Variants in RBL2 observed in about 807,000 individuals in gnomAD.
The protein encoded by RBL2 is RB transcriptional corepressor like 2.
Under a neutral mutation model 126.0 loss-of-function variants are expected in RBL2, and 56 were observed. That is an observed-to-expected ratio of 0.44 (90% CI 0.36 to 0.56). RBL2 has a LOEUF of 0.56. Among genes scored for constraint, RBL2 ranks in the 20% least tolerant of loss-of-function variants. The pLI is 0.00. For synonymous variants in RBL2, 454 were observed against 478.5 expected (o/e 0.95, Z 0.67); for missense variants, 1,229 against 1,398.2 (o/e 0.88, Z 1.93).
intron 5 of RBL2, among the ~76,000 whole-genome samples, chr16:53,453,117 G>T (rs1319964846): frequency 6.6e-6 from 1 of 151,806 alleles, no homozygotes; most frequent in Non-Finnish European, 1.5e-5. Flanking sequence ...GGTGTTTTTT[G>T]TTTAAAAGTA....
At chr16:53,452,647 CT>C (rs1567731131) in intron 5 of RBL2, among the ~76,000 whole-genome samples, 1 of 151,578 alleles carries the variant, frequency 6.6e-6, no homozygotes, top group African/African-American at 2.4e-5. Flanking sequence ...TCACTTTTAT[CT>C]TTTTTTTGTT....
At chr16:53,460,664 G>A (rs1175098639) in intron 9 of RBL2, among the ~76,000 whole-genome samples, 1 of 152,114 alleles carries the variant, frequency 6.6e-6, no homozygotes, top group African/African-American at 2.4e-5. Context: ...GTAAATACTA[G>A]GTAAAATAAA....
intron 10 of RBL2, among the ~76,000 whole-genome samples, 168 bp from the exon 11 acceptor site, chr16:53,462,384 A>G (rs1327262690): frequency 3.3e-5 from 5 of 152,212 alleles, no homozygotes; most frequent in African/African-American, 1.2e-4. Flanking sequence ...TACCATGAAG[A>G]AAATTAAGGT....
rs2058279361 is a variant in RBL2, at chr16:53,467,083, G to C, written c.1889G>C (p.Arg630Thr). 3 of 1,613,988 alleles carry C rather than the reference G, an allele frequency of 1.9e-6. No individual in the cohort carries two copies. In the East Asian group the frequency reaches 6.7e-5, roughly 36 times the overall value. The change falls in exon 14 of 22, where the codon AGG becomes ACG. Residue 630 changes from arginine (R) to threonine (T), a missense_variant. Coordinates refer to ENST00000262133, the MANE Select transcript of RBL2 (RefSeq NM_005611.4). Reference protein sequence around the residue: ...EEVMPPQNLERADEICIAGSP... With the variant: ...EEVMPPQNLETADEICIAGSP... ...GTCATGCCACCTCAGAACCTGGAAAGGGCAGATGAAATTTGCATTGCTGGC... is the reference window on the plus strand; with the variant it reads ...GTCATGCCACCTCAGAACCTGGAAACGGCAGATGAAATTTGCATTGCTGGC...
Position 53,434,881 on chromosome 16 carries a change from C to T in RBL2, c.240+85C>T, listed in dbSNP as rs1359200117. 7.9e-6 allele frequency: 11 copies of T among 1,393,738 alleles called. No homozygotes were observed. The East Asian group carries it at 1.7e-4, about 22-fold the overall frequency. 86.3% of individuals were successfully genotyped at this position (1,393,738 alleles called of 1,614,324 possible). On this transcript the variant is annotated intron_variant, in intron 1 of 21. Coordinates refer to ENST00000262133, the MANE Select transcript of RBL2 (RefSeq NM_005611.4). The stretch of plus-strand genomic sequence containing the variant: ...GCCGCGTCGCGCGCCTCGAGAGACT[C>T]TCGGGCGGGTTGCGGGCTCCCAGCC...
At chr16:53,436,436 GTTTA>G (rs1248765393) in intron 1 of RBL2, among the ~76,000 whole-genome samples, 1 of 152,076 alleles carries the variant, frequency 6.6e-6, no homozygotes, top group East Asian at 1.9e-4. Context: ...TCTTAGCCCA[GTTTA>G]TTCAGTAAAT....
rs2058279387 is a variant in RBL2 at position 53,467,085 on chromosome 16, G to A, written c.1891G>A (p.Ala631Thr). 6.2e-7 allele frequency: 1 copy of A among 1,613,976 alleles called. No homozygotes were observed. Among genetic ancestry groups the A allele is most frequent in the Non-Finnish European group, 8.5e-7 (1 of 1,179,950 alleles). ...CATGCCACCTCAGAACCTGGAAAGGGCAGATGAAATTTGCATTGCTGGCTC... is the reference window on the plus strand; with the variant it reads ...CATGCCACCTCAGAACCTGGAAAGGACAGATGAAATTTGCATTGCTGGCTC... ...EVMPPQNLER[A>T]DEICIAGSPL... The change falls in exon 14 of 22, where the codon GCA becomes ACA. Residue 631 changes from alanine (A) to threonine (T), a missense_variant. Physicochemically the swap from Ala to Thr is moderately conservative, Grantham distance 58. This residue lies in a region of RBL2 where 1,070 missense variants were observed against 1,274.3 expected (regional missense o/e 0.84). Transcript: ENST00000262133.
chr16:53,454,183 A>G (rs2058143371), intron 7 of RBL2: 1 of 447,330 alleles, frequency 2.2e-6, no homozygotes, highest in Non-Finnish European at 4.4e-6. Flanking sequence ...TAGCAGGATT[A>G]CATGTGATAC....
intron 17 of RBL2, among the ~76,000 whole-genome samples, chr16:53,474,690 A>G (rs980191352): frequency 1.3e-5 from 2 of 152,178 alleles, no homozygotes; most frequent in Non-Finnish European, 2.9e-5. Flanking sequence ...GTTAAAAAAA[A>G]TATTTATTTT....
intron 17 of RBL2, among the ~76,000 whole-genome samples, chr16:53,471,505 T>C (rs1199706820): frequency 6.6e-6 from 1 of 152,192 alleles, no homozygotes; most frequent in African/African-American, 2.4e-5. Context: ...GTTTCATTCT[T>C]GTCACCCAGG....
chr16:53,444,024 G>T (rs944400562), intron 3 of RBL2, among the ~76,000 whole-genome samples: 2 of 152,148 alleles, frequency 1.3e-5, no homozygotes, highest in African/African-American at 4.8e-5. Context: ...TGAGGCAGGC[G>T]AATCACCTGA....
chr16:53,480,642 C>T lies in RBL2; in HGVS notation c.2957C>T (p.Thr986Ile). 1.2e-6 allele frequency: 2 copies of T among 1,614,030 alleles called. No homozygotes were observed. The highest frequency in any genetic ancestry group is 8.5e-7 in the Non-Finnish European group (1 of 1,180,002). ...PVPQPSSAPP[T>I]PTRLTGANSD... The stretch of plus-strand genomic sequence containing the variant: ...CCACAGCCCAGCAGTGCTCCTCCCA[C>T]ACCTACTCGCCTCACAGGTGCCAAC... The change falls in exon 20 of 22, where the codon ACA becomes ATA. Residue 986 changes from threonine (T) to isoleucine (I), a missense_variant. Around this residue, in one of 2 missense-constraint regions of RBL2, gnomAD observed 1,070 missense variants for 1,274.3 expected, o/e 0.84. Transcript: ENST00000262133.
chr16:53,482,603 A>T (rs1281423427), intron 21 of RBL2, among the ~76,000 whole-genome samples: 2 of 152,188 alleles, frequency 1.3e-5, no homozygotes, highest in African/African-American at 4.8e-5. Flanking sequence ...TGAGGTCAGG[A>T]GTTCAAGACC....
intron 5 of RBL2, 62 bp from the exon 6 acceptor site, chr16:53,453,384 ATTTTAG>A (rs1297401362): frequency 1.3e-5 from 19 of 1,410,606 alleles, no homozygotes; most frequent in Admixed American, 1.8e-5. Context: ...TATGTTTTAC[ATTTTAG>A]TTTATTACAA....
chr16:53,467,982 A>G (rs114529727), intron 14 of RBL2, among the ~76,000 whole-genome samples: 1,925 of 152,338 alleles, frequency 0.013, 18 homozygotes, highest in African/African-American at 0.022. Context: ...ATGTGACATT[A>G]GTGCTGGCCC....
At position 53,467,169 on chromosome 16, in the gene RBL2, A is replaced by T. The variant is rs1447671984; in HGVS notation, c.1975A>T (p.Ser659Cys). ...VRADTGGLGRSITSPTTLYDR... is the reference protein window; with the variant it reads ...VRADTGGLGRCITSPTTLYDR... ...TGCTGATACTGGAGGACTTGGAAGG[A>T]GTAAGTTTAAAATACTAGGAGAATA... is the stretch of plus-strand genomic sequence containing the variant. Residue 659 changes from serine to cysteine, a missense_variant and splice_region_variant, in exon 14 of 22, where the codon AGC becomes TGC. Ser to Cys is a moderately radical substitution (Grantham distance 112). Coordinates refer to ENST00000262133, the MANE Select transcript of RBL2 (RefSeq NM_005611.4). 1 of 1,604,350 alleles carries T rather than the reference A, an allele frequency of 6.2e-7. No individual in the cohort carries two copies. Among genetic ancestry groups the T allele is most frequent in the Admixed American group, 1.7e-5 (1 of 59,684 alleles).
chr16:53,454,100 G>A (rs907838617), intron 7 of RBL2: 16 of 404,510 alleles, frequency 4.0e-5, no homozygotes, highest in South Asian at 1.6e-4. Flanking sequence ...GCTTCTCACC[G>A]GAAGTTGCAC....
In RBL2 at chr16:53,465,530, G is replaced by A; in HGVS notation, c.1791G>A (p.Leu597=). 6.2e-7 allele frequency: 1 copy of A among 1,607,260 alleles called. No individual in the cohort carries two copies. Among genetic ancestry groups the A allele is most frequent in the Non-Finnish European group, 8.5e-7 (1 of 1,177,056 alleles). ...TTGAAGAACAGATCTTAGATCATTT[G>A]GCATGGAAACCAGAGTCTCCACTCT... is the stretch of plus-strand genomic sequence containing the variant. ...NQIEEQILDH[L]AWKPESPLWE... The change falls in exon 13 of 22, where the codon TTG becomes TTA. Residue 597 remains leucine (L), a synonymous_variant. Transcript: ENST00000262133.
intron 5 of RBL2, among the ~76,000 whole-genome samples, chr16:53,453,246 G>C (rs2058132818): frequency 6.6e-6 from 1 of 151,998 alleles, no homozygotes; most frequent in African/African-American, 2.4e-5. Context: ...TTGAATAACT[G>C]AAATCTTTCG....
Sources: gnomAD v4.1 joint callset for allele counts (sites outside exome capture counted in the v4.1 genomes callset) on GRCh38, gnomAD v4.1.1 for gene constraint, gnomAD v4.1.1 regional missense constraint, MANE v1.5 for transcripts, NCBI Gene and HGNC (gene_info 2026-07-23, HGNC 2026-07-21) for gene names.